LRRC3C: variants seen among roughly 807,000 people sequenced by gnomAD.
LRRC3C encodes leucine rich repeat containing 3C.
Under a neutral mutation model 14.8 loss-of-function variants are expected in LRRC3C, and 11 were observed. The ratio of observed to expected loss-of-function variants is 0.74; its 90% CI spans 0.47 to 1.23. LRRC3C has a LOEUF of 1.23. Ranked by LOEUF, LRRC3C falls within the 50% of genes most tolerant of loss-of-function variation. LRRC3C has a pLI of 0.00. For synonymous variants in LRRC3C, 149 were observed against 161.5 expected, an observed-to-expected ratio of 0.92 and a Z score of 0.59; for missense variants, 354 against 361.8, an observed-to-expected ratio of 0.98 and a Z score of 0.18.
At chr17:39,937,276 A>C (rs1978824019) in intron 2 of LRRC3C, among the ~76,000 whole-genome samples, 1 of 152,002 alleles carries the variant, frequency 6.6e-6, no homozygotes, top group South Asian at 2.1e-4. Flanking sequence ...TATCTACTGA[A>C]AATACAAAAA....
At chr17:39,935,963 A>T (rs888154107) in intron 2 of LRRC3C, 69 bp downstream of exon 2, 4 of 888,556 alleles carry the variant, frequency 4.5e-6, no homozygotes, top group Admixed American at 6.2e-5. Context: ...TTTTCCTTTC[A>T]GTTATCCCCC....
At chr17:39,943,800 T>C in intron 3 of LRRC3C, 133 bp from the exon 4 acceptor site, 2 of 780,614 alleles carry the variant, frequency 2.6e-6, no homozygotes, top group South Asian at 3.7e-5. Flanking sequence ...TCACCCAGGC[T>C]TGAGAGAAGC....
At chr17:39,939,409 C>T (rs1978882141) in intron 2 of LRRC3C, 2 of 985,404 alleles carry the variant, frequency 2.0e-6, no homozygotes, top group Non-Finnish European at 2.4e-6. Flanking sequence ...TGCCTCCCTC[C>T]AGACCATCAA....
rs772076904 is a variant in LRRC3C at position 39,944,763 on chromosome 17, C to T, written c.*29C>T. On this transcript the variant is annotated 3_prime_UTR_variant, in exon 4 of 4. Coordinates refer to ENST00000377924, the MANE Select transcript of LRRC3C (RefSeq NM_001195545.2). The stretch of plus-strand genomic sequence containing the variant: ...CCCAGGATGCTCCTCCAGCCACACC[C>T]CACACTCCTGCCCCTATGCCCTCTC... 1 of 1,529,238 alleles carries T rather than the reference C, an allele frequency of 6.5e-7. No individual in the cohort carries two copies. Among genetic ancestry groups the T allele is most frequent in the South Asian group, 1.2e-5 (1 of 83,566 alleles). 94.7% of individuals were successfully genotyped at this position (1,529,238 alleles called of 1,614,324 possible). A position where few individuals can be genotyped will look rare whatever the true frequency, so the allele number is the denominator to read the frequency against.
chr17:39,935,712 C>T (rs1978778708), intron 1 of LRRC3C, 90 bp from the exon 2 acceptor site: 3 of 564,104 alleles, frequency 5.3e-6, no homozygotes, highest in African/African-American at 4.1e-5. Context: ...GTACACAGTA[C>T]ATGCTCAGAT....
chr17:39,930,736 T>G (rs960513145), intron 1 of LRRC3C, among the ~76,000 whole-genome samples: 2 of 150,892 alleles, frequency 1.3e-5, no homozygotes, highest in African/African-American at 4.9e-5. Context: ...AAAAAAGATT[T>G]TATTAAGTTA....
chr17:39,928,636 A>G (rs1256482245), intron 1 of LRRC3C, among the ~76,000 whole-genome samples: 1 of 152,224 alleles, frequency 6.6e-6, no homozygotes, highest in Non-Finnish European at 1.5e-5. Flanking sequence ...GCTTCTTTCT[A>G]AGTCCACTCT....
In LRRC3C at chr17:39,944,363, A is replaced by C; in HGVS notation, c.457A>C (p.Ile153Leu). Residue 153 changes from isoleucine to leucine, a missense_variant, in exon 4 of 4, where the codon ATC (isoleucine) becomes CTC (leucine). By Grantham distance (5) the Ile-to-Leu change is conservative (BLOSUM62 2). Coordinates refer to ENST00000377924, the MANE Select transcript of LRRC3C (RefSeq NM_001195545.2). The stretch of plus-strand genomic sequence containing the variant: ...CGTGGAGGCCTTTGTGGGGCTACAG[A>C]TCCAAGTGAACCTATCCGCAAACCC... Reference protein sequence around the residue: ...VPVEAFVGLQIQVNLSANPWH... With the variant: ...VPVEAFVGLQLQVNLSANPWH... The C allele has an allele frequency of 1.3e-6, 2 of 1,533,348 alleles. No homozygotes were observed. Among genetic ancestry groups the C allele is most frequent in the South Asian group, 2.4e-5 (2 of 83,552 alleles). The allele number at this position is 1,533,348 out of a possible 1,614,324, so 95.0% of individuals were successfully genotyped here.
rs1178778848 is a variant in LRRC3C at position 39,944,218 on chromosome 17, C to T, written c.312C>T (p.Val104=). The change falls in exon 4 of 4, where the codon GTC becomes GTT. Residue 104 remains valine, a synonymous_variant. Coordinates refer to ENST00000377924, the MANE Select transcript of LRRC3C (RefSeq NM_001195545.2). ...VPAGAFQHLP[V]LEELDLSHNA... is the part of the protein sequence containing the mutation. ...CTGGTGCCTTCCAGCACCTGCCTGT[C>T]CTGGAGGAGTTGGATCTGTCCCATA... 4.6e-6 allele frequency: 7 copies of T among 1,535,916 alleles called. No individual in the cohort carries two copies. Among genetic ancestry groups the T allele is most frequent in the Non-Finnish European group, 6.1e-6 (7 of 1,146,832 alleles).
chr17:39,929,469 T>G (rs4795403), intron 1 of LRRC3C: 2 of 152,036 alleles, frequency 1.3e-5, no homozygotes, highest in Non-Finnish European at 2.9e-5. Flanking sequence ...GAGTCCCTGT[T>G]GTCATCTTTC....
intron 3 of LRRC3C, among the ~76,000 whole-genome samples, chr17:39,942,342 G>T (rs1248195426): frequency 6.6e-6 from 1 of 152,168 alleles, no homozygotes; most frequent in Non-Finnish European, 1.5e-5. Flanking sequence ...TTAGGAGAGG[G>T]TGGTATCACG....
chr17:39,932,578 C>T lies in LRRC3C; in HGVS notation c.-174-3224C>T, dbSNP rs1045117696. On this transcript the variant is annotated intron_variant, in intron 1 of 3. Transcript: ENST00000377924. ...CTATAAAAAACAAAAATAAATTAGCCGGGCATGGTGGCATGTTCCCGTAGT... is the reference window on the plus strand; with the variant it reads ...CTATAAAAAACAAAAATAAATTAGCTGGGCATGGTGGCATGTTCCCGTAGT... Among the ~76,000 whole-genome samples, 3 of 138,556 alleles carry T rather than the reference C, an allele frequency of 2.2e-5. No individual in the cohort carries two copies. The Admixed American group carries it at 2.4e-4, about 11-fold the overall frequency. 90.9% of individuals were successfully genotyped at this position (138,556 alleles called of 152,430 possible). A position where few individuals can be genotyped will look rare whatever the true frequency, so the allele number is the denominator to read the frequency against.
chr17:39,943,907 C>A, intron 3 of LRRC3C, 26 bp from the exon 4 acceptor site: 1 of 1,534,618 alleles, frequency 6.5e-7, no homozygotes. Flanking sequence ...ACTCACTCCT[C>A]CTTTATGTGG....
chr17:39,928,251 G>C (rs1324773298), intron 1 of LRRC3C, among the ~76,000 whole-genome samples: 2 of 152,264 alleles, frequency 1.3e-5, no homozygotes, highest in African/African-American at 4.8e-5. Flanking sequence ...CAGTAGTAAG[G>C]AGCCTGAGTT....
chr17:39,933,904 T>A (rs1320102839), intron 1 of LRRC3C, among the ~76,000 whole-genome samples: 1 of 152,262 alleles, frequency 6.6e-6, no homozygotes, highest in Admixed American at 6.5e-5. Flanking sequence ...CATTGACAGT[T>A]GTGTTTTTAT....
At chr17:39,932,962 G>T (rs1315130427) in intron 1 of LRRC3C, among the ~76,000 whole-genome samples, 1 of 151,920 alleles carries the variant, frequency 6.6e-6, no homozygotes, top group African/African-American at 2.4e-5. Context: ...TGAGGTGGGA[G>T]AATTGCTTGA....
At chr17:39,934,269 A>G (rs1409548275) in intron 1 of LRRC3C, among the ~76,000 whole-genome samples, 1 of 152,208 alleles carries the variant, frequency 6.6e-6, no homozygotes, top group African/African-American at 2.4e-5. Flanking sequence ...GATATGGACA[A>G]TTGACACTCT....
Position 39,939,358 on chromosome 17 carries a change from T to G in LRRC3C, c.-81-2085T>G, listed in dbSNP as rs573805842. On this transcript the variant is annotated intron_variant, in intron 2 of 3. Coordinates refer to ENST00000377924, the MANE Select transcript of LRRC3C (RefSeq NM_001195545.2). Reference sequence around the variant, plus strand: ...CACAGCTCCCTGTACAAACATCAATTAATGCAGGCAGCACATCAAAGCATT... The same window carrying G: ...CACAGCTCCCTGTACAAACATCAATGAATGCAGGCAGCACATCAAAGCATT... 118 of 985,398 alleles carry G rather than the reference T, an allele frequency of 1.2e-4. No homozygotes were observed. The South Asian group carries it at 3.5e-3, about 29-fold the overall frequency. The allele number at this position is 985,398 out of a possible 1,614,324, so 61.0% of individuals were successfully genotyped here.
intron 1 of LRRC3C, among the ~76,000 whole-genome samples, chr17:39,933,518 A>G (rs1278795877): frequency 6.6e-6 from 1 of 152,150 alleles, no homozygotes; most frequent in Non-Finnish European, 1.5e-5. Flanking sequence ...GCAGATCACG[A>G]GGTCAGGAGA....
Sources: allele counts gnomAD v4.1 joint callset (sites outside exome capture counted in the v4.1 genomes callset), GRCh38; gene constraint gnomAD v4.1.1; transcripts MANE v1.5; gene names NCBI Gene and HGNC (gene_info 2026-07-23, HGNC 2026-07-21).